GRP: variants seen among roughly 807,000 people sequenced by gnomAD.
GRP encodes gastrin releasing peptide, also known as gastrin-releasing peptide.
In GRP, 11 loss-of-function variants were observed where a neutral mutation model predicts 12.7. The observed-to-expected ratio is 0.87, with a 90% CI of 0.55 to 1.44. The LOEUF (loss-of-function observed/expected upper bound fraction) is 1.44, where lower values mean the gene tolerates loss of function less well. GRP is among the 40% of genes most tolerant of loss of function. GRP has a pLI of 0.00. For missense variants in GRP, 212 were observed against 185.4 expected, an observed-to-expected ratio of 1.14 and a Z score of -0.83; for synonymous variants, 84 against 77.7, an observed-to-expected ratio of 1.08 and a Z score of -0.43.
intron 1 of GRP, among the ~76,000 whole-genome samples, chr18:59,224,505 G>A (rs1036593802): frequency 5.9e-5 from 9 of 152,276 alleles, no homozygotes; most frequent in African/African-American, 2.2e-4. Flanking sequence ...TAGATCAAAA[G>A]CACCATAGTT....
chr18:59,221,595 C>CTG (rs143541111), intron 1 of GRP, among the ~76,000 whole-genome samples: 13,524 of 149,808 alleles, frequency 0.09, 657 homozygotes, highest in African/African-American at 0.12. Flanking sequence ...GTGTGTGTCT[C>CTG]TGTGTGTGTG....
chr18:59,227,097 CT>C (rs2069954847), intron 2 of GRP, among the ~76,000 whole-genome samples: 1 of 138,240 alleles, frequency 7.2e-6, no homozygotes, highest in Non-Finnish European at 1.6e-5. Flanking sequence ...CTCTCTCTCT[CT>C]CTTTTTTTTT....
At chr18:59,225,819 A>C (rs374687727) in intron 2 of GRP, 85 bp downstream of exon 2, 2 of 1,241,850 alleles carry the variant, frequency 1.6e-6, no homozygotes, top group African/African-American at 3.0e-5. Context: ...GAAGAATAGA[A>C]TTGCTTATGA....
chr18:59,224,271 A>G (rs2069880049), intron 1 of GRP, among the ~76,000 whole-genome samples: 1 of 152,230 alleles, frequency 6.6e-6, no homozygotes, highest in Non-Finnish European at 1.5e-5. Context: ...TAGCATATGG[A>G]TCAAATGAAA....
At chr18:59,224,799 A>G (rs2069889205) in intron 1 of GRP, among the ~76,000 whole-genome samples, 1 of 152,210 alleles carries the variant, frequency 6.6e-6, no homozygotes, top group South Asian at 2.1e-4. Flanking sequence ...TCAGACACCC[A>G]AGAGAAAATT....
chr18:59,227,356 G>A (rs758870016), intron 2 of GRP, among the ~76,000 whole-genome samples: 29 of 152,032 alleles, frequency 1.9e-4, no homozygotes, highest in South Asian at 8.3e-4. Context: ...AACCCCAAGC[G>A]ATTGTCTGGT....
intron 2 of GRP, among the ~76,000 whole-genome samples, chr18:59,227,057 C>G (rs1256689602): frequency 9.9e-6 from 1 of 101,036 alleles, no homozygotes; most frequent in African/African-American, 3.9e-5. Flanking sequence ...TTCTTTCTTC[C>G]TTTCTTTCTT....
rs188733094 is a variant in GRP at position 59,220,720 on chromosome 18, G to C, written c.139+316G>C. On this transcript the variant is annotated intron_variant, in intron 1 of 2. Coordinates refer to ENST00000256857, the MANE Select transcript of GRP (RefSeq NM_002091.5). Reference sequence around the variant, plus strand: ...CCGGTGCAGATCACCTTCCCTCTGCGCCCATCCTACATCTCCTTTTGTCCG... The same window carrying C: ...CCGGTGCAGATCACCTTCCCTCTGCCCCCATCCTACATCTCCTTTTGTCCG... 6.6e-5 allele frequency among the ~76,000 whole-genome samples: 10 copies of C among 152,146 alleles called. No individual in the cohort carries two copies. The East Asian group carries it at 1.2e-3, about 18-fold the overall frequency.
rs141873986 is a variant in GRP at position 59,228,010 on chromosome 18, A to G, written c.382+2276A>G. 5.8e-3 allele frequency among the ~76,000 whole-genome samples: 877 copies of G among 152,260 alleles called. 1 individual carries two copies. Among genetic ancestry groups the G allele is most frequent in the South Asian group, 0.022 (104 of 4,820 alleles). On this transcript the variant is annotated intron_variant, in intron 2 of 2. Transcript: ENST00000256857. ...AAAAAAAATCAGGCTTTGCTTTTCT[A>G]TTATTTTTATGCATTGTTTTTCTTT...
chr18:59,220,486 T>G (rs943163980), intron 1 of GRP, 82 bp downstream of exon 1: 1 of 1,210,822 alleles, frequency 8.3e-7, no homozygotes, highest in Non-Finnish European at 1.1e-6. Flanking sequence ...CCCATTTCTT[T>G]GCGTTTCCCT....
At chr18:59,230,306 GC>G in intron 2 of GRP, 97 bp from the exon 3 acceptor site, 1 of 772,600 alleles carries the variant, frequency 1.3e-6, no homozygotes, top group South Asian at 1.4e-5. Flanking sequence ...TTTCTAACAA[GC>G]TCCCAAGTGA....
intron 1 of GRP, among the ~76,000 whole-genome samples, chr18:59,222,539 A>G (rs1257888084): frequency 1.3e-5 from 2 of 152,256 alleles, no homozygotes; most frequent in Non-Finnish European, 2.9e-5. Flanking sequence ...GTTTGCTTTG[A>G]GTAACATGCC....
At chr18:59,228,590 T>C (rs1371427571) in intron 2 of GRP, among the ~76,000 whole-genome samples, 1 of 152,238 alleles carries the variant, frequency 6.6e-6, no homozygotes, top group East Asian at 1.9e-4. Context: ...GCACTGAAAC[T>C]AGATTGCTCG....
chr18:59,225,828 GATATA>G, intron 2 of GRP, 94 bp downstream of exon 2: 1 of 1,144,754 alleles, frequency 8.7e-7, no homozygotes, highest in Non-Finnish European at 1.3e-6. Context: ...AATTGCTTAT[GATATA>G]AACCTTCACA....
intron 1 of GRP, among the ~76,000 whole-genome samples, chr18:59,224,215 T>TCTATTTTATGTGCCTCTATTTATGAGG (rs2069878774): frequency 6.6e-6 from 1 of 152,164 alleles, no homozygotes; most frequent in Non-Finnish European, 1.5e-5. Flanking sequence ...AAATAGTTGC[T>TCTATTTTATGTGCCTCTATTTATGAGG]TACATCTATG....
intron 1 of GRP, among the ~76,000 whole-genome samples, chr18:59,223,385 C>T (rs943992055): frequency 4.6e-5 from 7 of 152,204 alleles, no homozygotes; most frequent in Non-Finnish European, 1.0e-4. Flanking sequence ...TTACAGATAG[C>T]GTGCTCTCCT....
At position 59,225,545 on chromosome 18, in the gene GRP, G is replaced by T; in HGVS notation, c.193G>T (p.Gly65Trp). ...GGAGTCTTCTTCTGTTTCTGAGAGA[G>T]GGAGCCTGAAGCAGCAGCTGAGAGA... Reference protein sequence around the residue: ...TGESSSVSERGSLKQQLREYI... With the variant: ...TGESSSVSERWSLKQQLREYI... The change falls in exon 2 of 3, where the codon GGG (glycine) becomes TGG (tryptophan). Residue 65 changes from glycine to tryptophan, a missense_variant. By Grantham distance (184) the Gly-to-Trp change is radical. Coordinates refer to ENST00000256857, the MANE Select transcript of GRP (RefSeq NM_002091.5). 1 of 1,613,978 alleles carries T rather than the reference G, an allele frequency of 6.2e-7. No homozygotes were observed. Among genetic ancestry groups the T allele is most frequent in the Non-Finnish European group, 8.5e-7 (1 of 1,179,854 alleles).
chr18:59,228,259 T>C (rs890244727), intron 2 of GRP, among the ~76,000 whole-genome samples: 2 of 152,156 alleles, frequency 1.3e-5, no homozygotes, highest in Non-Finnish European at 2.9e-5. Context: ...CTTACAATGA[T>C]CTTATTCAAA....
In GRP at chr18:59,230,571, AT is replaced by A; in HGVS notation, c.*106del. 1.3e-6 allele frequency: 1 copy of A among 744,030 alleles called. No homozygotes were observed. Among genetic ancestry groups the A allele is most frequent in the Non-Finnish European group, 2.5e-6 (1 of 407,240 alleles). The allele number at this position is 744,030 out of a possible 1,614,324, so 46.1% of individuals were successfully genotyped here. On this transcript the variant is annotated 3_prime_UTR_variant, in exon 3 of 3. Transcript: ENST00000256857. ...TCAACAAGATTTCCTTGTGCAAAAT[AT>A]TTGACTATTCTGTATCTTTCATCCT...
Sources: allele counts gnomAD v4.1 joint callset (sites outside exome capture counted in the v4.1 genomes callset), GRCh38; gene constraint gnomAD v4.1.1; transcripts MANE v1.5; gene names NCBI Gene and HGNC (gene_info 2026-07-23, HGNC 2026-07-21).